The following STX2 variants were observed in gnomAD, a reference collection of about 807,000 sequenced individuals.
STX2 encodes syntaxin 2.
A neutral mutation model predicts 40.6 loss-of-function variants in STX2; 27 were observed. The observed-to-expected ratio is 0.66, with a 90% confidence interval of 0.49 to 0.92. The LOEUF is 0.92. Among genes scored for constraint, STX2 ranks in the 40% least tolerant of loss-of-function variants. The pLI, the probability that STX2 is intolerant of heterozygous loss-of-function variation, is 0.00. For synonymous variants in STX2, 123 were observed against 119.1 expected (o/e 1.03, Z -0.22); for missense variants, 328 against 366.1 (o/e 0.90, Z 0.85).
chr12:130,799,670 C>T (rs958239203), intron 8 of STX2, among the ~76,000 whole-genome samples: 3 of 152,152 alleles, frequency 2.0e-5, no homozygotes, highest in East Asian at 3.9e-4. Context: ...AAACATTAGC[C>T]GGGCGTAGTG....
chr12:130,816,379 C>T (rs1389788457), intron 3 of STX2, among the ~76,000 whole-genome samples: 1 of 151,202 alleles, frequency 6.6e-6, no homozygotes, highest in Admixed American at 6.6e-5. Flanking sequence ...GTGGGGGGCA[C>T]TCATGACGGA....
intron 6 of STX2, among the ~76,000 whole-genome samples, chr12:130,804,655 T>C (rs1951360220): frequency 6.6e-6 from 1 of 152,072 alleles, no homozygotes; most frequent in Non-Finnish European, 1.5e-5. Context: ...GAAACTGGAT[T>C]TGTTAGCCTC....
chr12:130,820,033 A>AT (rs1163012777), intron 3 of STX2, among the ~76,000 whole-genome samples: 1 of 152,186 alleles, frequency 6.6e-6, no homozygotes, highest in African/African-American at 2.4e-5. Flanking sequence ...CTACTTTCTT[A>AT]TTTTTTCAAC....
chr12:130,818,181 AAAAAATATAT>A (rs1405230736), intron 3 of STX2, among the ~76,000 whole-genome samples: 6 of 20,176 alleles, frequency 3.0e-4, no homozygotes, highest in African/African-American at 1.1e-3. Flanking sequence ...AAAAAAAAAA[AAAAAATATAT>A]ATATATATAT....
intron 6 of STX2, among the ~76,000 whole-genome samples, chr12:130,805,376 T>C (rs536930006): frequency 6.6e-6 from 1 of 152,250 alleles, no homozygotes; most frequent in South Asian, 2.1e-4. Context: ...GACGGAACTC[T>C]CGTGTCAGCC....
intron 1 of STX2, among the ~76,000 whole-genome samples, chr12:130,828,576 G>C (rs1031901141): frequency 6.6e-5 from 10 of 151,626 alleles, no homozygotes; most frequent in Admixed American, 6.6e-4. Flanking sequence ...AGCACTTCAA[G>C]ACAAAATGGG....
Position 130,798,635 on chromosome 12 carries a change from C to T in STX2, c.676G>A (p.Gly226Ser), listed in dbSNP as rs1176634818. The T allele has an allele frequency of 5.7e-6, 9 of 1,578,254 alleles. No individual in the cohort carries two copies. The highest frequency in any genetic ancestry group is 6.0e-6 in the Non-Finnish European group (7 of 1,167,960). ...MDMAMFVETQGEMINNIERNV... is the reference protein window; with the variant it reads ...MDMAMFVETQSEMINNIERNV... ...CTTTCTATGTTGTTGATCATTTCAC[C>T]CTTAAAACAAAAAGTTTCAAACTTA... Residue 226 changes from glycine (G) to serine (S), a missense_variant and splice_region_variant, in exon 9 of 11, where the codon GGT becomes AGT. Gly to Ser is a moderately conservative substitution (Grantham distance 56, BLOSUM62 0). Transcript: ENST00000392373.
At chr12:130,824,694 AGT>A (rs1952235435) in intron 2 of STX2, among the ~76,000 whole-genome samples, 1 of 152,212 alleles carries the variant, frequency 6.6e-6, no homozygotes, top group African/African-American at 2.4e-5. Flanking sequence ...GCACTGTTTT[AGT>A]GTTAACCAAA....
intron 2 of STX2, among the ~76,000 whole-genome samples, chr12:130,823,119 T>C (rs1027075549): frequency 1.3e-5 from 2 of 151,720 alleles, no homozygotes; most frequent in Non-Finnish European, 2.9e-5. Context: ...CTGGGCAACA[T>C]AGAGAGACCC....
chr12:130,835,998 C>T (rs1565942945), intron 1 of STX2, among the ~76,000 whole-genome samples: 1 of 152,184 alleles, frequency 6.6e-6, no homozygotes, highest in African/African-American at 2.4e-5. Flanking sequence ...ATCACAAATA[C>T]TTTGTTAATC....
intron 3 of STX2, among the ~76,000 whole-genome samples, chr12:130,816,917 C>T (rs1259289986): frequency 6.6e-6 from 1 of 152,194 alleles, no homozygotes; most frequent in African/African-American, 2.4e-5. Flanking sequence ...CTCGCAGGGG[C>T]TGAAGCCTCA....
intron 5 of STX2, among the ~76,000 whole-genome samples, chr12:130,807,705 C>G (rs577795199): frequency 1.3e-5 from 2 of 152,340 alleles, no homozygotes; most frequent in Non-Finnish European, 2.9e-5. Context: ...GGATAATTCC[C>G]TACTCTTTGG....
At chr12:130,800,299 ATT>A (rs749716699) in intron 8 of STX2, among the ~76,000 whole-genome samples, 8,952 of 143,350 alleles carry the variant, frequency 0.062, 308 homozygotes, top group Non-Finnish European at 0.092. Context: ...ATATGTGTGT[ATT>A]TTTTTTTTTT....
At chr12:130,816,919 G>T (rs534075055) in intron 3 of STX2, among the ~76,000 whole-genome samples, 54 of 152,296 alleles carry the variant, frequency 3.5e-4, no homozygotes, top group Admixed American at 3.2e-3. Context: ...CGCAGGGGCT[G>T]AAGCCTCAGT....
chr12:130,829,464 C>T (rs114550346), intron 1 of STX2, among the ~76,000 whole-genome samples: 1 of 152,330 alleles, frequency 6.6e-6, no homozygotes, highest in African/African-American at 2.4e-5. Context: ...AACAAGCACA[C>T]TCTACCCTGG....
chr12:130,820,125 C>T (rs146981306), intron 3 of STX2, among the ~76,000 whole-genome samples: 80 of 152,278 alleles, frequency 5.3e-4, no homozygotes, highest in African/African-American at 1.8e-3. Flanking sequence ...CATGTGCCCC[C>T]ATCACCACTT....
intron 5 of STX2, among the ~76,000 whole-genome samples, chr12:130,807,584 C>A (rs1393294578): frequency 6.6e-6 from 1 of 152,142 alleles, no homozygotes; most frequent in Non-Finnish European, 1.5e-5. Flanking sequence ...ACCCCAGAGC[C>A]CGCGTGCTTC....
rs983135382 is a variant in STX2, at chr12:130,795,853, A to G, written c.*45+142T>C. The stretch of plus-strand genomic sequence containing the variant: ...TGGCTGGGCACTCGAATCAGCACAC[A>G]GGCAGATGTATCACTAGATGGCATT... On this transcript the variant is annotated intron_variant, in intron 10 of 10. Coordinates refer to ENST00000392373, the MANE Select transcript of STX2 (RefSeq NM_194356.4). The G allele has an allele frequency of 4.9e-6, 5 of 1,017,342 alleles. No individual in the cohort carries two copies. In the African/African-American group the frequency reaches 6.5e-5, roughly 13 times the overall value. 63.0% of individuals were successfully genotyped at this position (1,017,342 alleles called of 1,614,324 possible).
intron 3 of STX2, among the ~76,000 whole-genome samples, chr12:130,814,301 G>A (rs1240775758): frequency 2.0e-5 from 3 of 152,096 alleles, no homozygotes; most frequent in Admixed American, 1.3e-4. Context: ...CCAATGCCAC[G>A]CAGAGACTAA....
Sources: allele counts gnomAD v4.1 joint callset (sites outside exome capture counted in the v4.1 genomes callset), GRCh38; gene constraint gnomAD v4.1.1; transcripts MANE v1.5; gene names NCBI Gene and HGNC (gene_info 2026-07-23, HGNC 2026-07-21).